The following ELP4 variants were observed in gnomAD, a reference collection of about 807,000 sequenced individuals.
ELP4 encodes the protein elongator complex protein 4.
ELP4 carries 51 observed loss-of-function variants against 48.9 expected under a neutral mutation model. That is an observed-to-expected ratio of 1.04 (90% CI 0.83 to 1.32). ELP4 has a LOEUF of 1.32. Among genes scored for constraint, ELP4 ranks in the 40% most tolerant of loss-of-function variants. The pLI, the probability that ELP4 is intolerant of heterozygous loss-of-function variation, is 0.00. For missense variants in ELP4, 519 were observed against 514.6 expected (o/e 1.01, Z -0.08); for synonymous variants, 210 against 189.2 (o/e 1.11, Z -0.90).
chr11:31,740,595 G>A (rs758870023), intron 9 of ELP4, among the ~76,000 whole-genome samples: 12 of 152,184 alleles, frequency 7.9e-5, no homozygotes, highest in East Asian at 1.9e-4. Flanking sequence ...TAATATTATC[G>A]AAATGTTAGT....
At chr11:31,604,715 A>T (rs1265503280) in intron 5 of ELP4, among the ~76,000 whole-genome samples, 1 of 151,960 alleles carries the variant, frequency 6.6e-6, no homozygotes, top group East Asian at 1.9e-4. Context: ...TAAAATTTAT[A>T]GTCTCTGTTC....
intron 3 of ELP4, among the ~76,000 whole-genome samples, chr11:31,557,930 C>T (rs530985152): frequency 1.3e-5 from 2 of 152,124 alleles, no homozygotes; most frequent in Non-Finnish European, 2.9e-5. Context: ...TTCCTTAAAA[C>T]TATTTTAGCA....
chr11:31,657,773 A>T (rs1945468666), intron 9 of ELP4, among the ~76,000 whole-genome samples: 1 of 151,998 alleles, frequency 6.6e-6, no homozygotes, highest in South Asian at 2.1e-4. Flanking sequence ...TACAGCCAGG[A>T]TTAAATTCAG....
chr11:31,603,638 T>C (rs1473070332), intron 4 of ELP4, 130 bp from the exon 5 acceptor site: 2 of 773,586 alleles, frequency 2.6e-6, no homozygotes, highest in South Asian at 2.4e-5. Context: ...ATTTACTTAG[T>C]GTATGTATAT....
intron 5 of ELP4, among the ~76,000 whole-genome samples, chr11:31,608,429 G>C (rs1452474399): frequency 6.6e-6 from 1 of 152,086 alleles, no homozygotes; most frequent in African/African-American, 2.4e-5. Context: ...ATGATGGGTT[G>C]TAAGCCTTTT....
intron 9 of ELP4, among the ~76,000 whole-genome samples, chr11:31,732,668 A>T (rs1947217966): frequency 6.6e-6 from 1 of 152,194 alleles, no homozygotes. Context: ...TCTACAAGAG[A>T]TTCACTTAGA....
intron 9 of ELP4, among the ~76,000 whole-genome samples, chr11:31,686,959 T>G (rs1221936858): frequency 6.6e-6 from 1 of 151,862 alleles, no homozygotes; most frequent in African/African-American, 2.4e-5. Flanking sequence ...AGAGTTGAGT[T>G]AGGAAACTGT....
intron 2 of ELP4, among the ~76,000 whole-genome samples, chr11:31,520,839 G>C (rs1428750017): frequency 6.6e-6 from 1 of 151,844 alleles, no homozygotes; most frequent in Non-Finnish European, 1.5e-5. Flanking sequence ...TATATGTTAG[G>C]GTTTTCACAC....
chr11:31,744,259 C>G (rs1213176132), intron 9 of ELP4, among the ~76,000 whole-genome samples: 1 of 151,974 alleles, frequency 6.6e-6, no homozygotes. Context: ...AATAGCTTAC[C>G]AACCAAAAAA....
chr11:31,587,836 A>G (rs148465408), intron 3 of ELP4, among the ~76,000 whole-genome samples: 2,061 of 152,240 alleles, frequency 0.014, 44 homozygotes, highest in African/African-American at 0.045. Flanking sequence ...AAAACTAAAT[A>G]TATTTATACC....
intron 7 of ELP4, among the ~76,000 whole-genome samples, chr11:31,642,019 T>C (rs1416582852): frequency 6.6e-6 from 1 of 151,972 alleles, no homozygotes; most frequent in East Asian, 1.9e-4. Context: ...AAAACATTTT[T>C]AATCATGAAA....
At chr11:31,519,987 G>A (rs1403726465) in intron 1 of ELP4, 69 bp from the exon 2 acceptor site, 7 of 1,496,376 alleles carry the variant, frequency 4.7e-6, no homozygotes, top group South Asian at 2.4e-5. Context: ...CCTTCATAAA[G>A]CCTAACTTTT....
In ELP4 at chr11:31,783,640, G is replaced by A; in HGVS notation, c.*116G>A. The A allele has an allele frequency of 2.1e-6, 2 of 970,212 alleles. No homozygotes were observed. Among genetic ancestry groups the A allele is most frequent in the Non-Finnish European group, 2.9e-6 (2 of 693,430 alleles). 60.1% of individuals were successfully genotyped at this position (970,212 alleles called of 1,614,324 possible). ...ACCCTCCACTCCTTGAAAAACACAG[G>A]ATTATAAAATGGTGCCGCCATTTCT... On this transcript the variant is annotated 3_prime_UTR_variant, in exon 10 of 10. Transcript: ENST00000640961.
chr11:31,615,436 G>T (rs1257877401), intron 5 of ELP4, among the ~76,000 whole-genome samples: 2 of 151,790 alleles, frequency 1.3e-5, no homozygotes, highest in African/African-American at 2.4e-5. Context: ...ATAGTAAAGG[G>T]TTAATGAATT....
In ELP4 at chr11:31,706,642, T is replaced by G. The variant is rs1302092149; in HGVS notation, c.1143+56421T>G. Among the ~76,000 whole-genome samples, 3 of 149,286 alleles carry G rather than the reference T, an allele frequency of 2.0e-5. No individual in the cohort carries two copies. In the East Asian group the frequency reaches 5.8e-4, roughly 29 times the overall value. On this transcript the variant is annotated intron_variant, in intron 9 of 9. Coordinates refer to ENST00000640961, the MANE Select transcript of ELP4 (RefSeq NM_019040.5). Reference sequence around the variant, plus strand: ...TATATTTAATTCATATATTTTAACTTTTATCTAATATTTTCAAAAAAAGAA... The same window carrying G: ...TATATTTAATTCATATATTTTAACTGTTATCTAATATTTTCAAAAAAAGAA...
intron 9 of ELP4, among the ~76,000 whole-genome samples, chr11:31,656,067 A>G (rs1459610994): frequency 6.6e-6 from 1 of 152,028 alleles, no homozygotes; most frequent in Non-Finnish European, 1.5e-5. Flanking sequence ...TGAGTCATTT[A>G]TGTTCACTGA....
chr11:31,738,798 T>C (rs1947381564), intron 9 of ELP4, among the ~76,000 whole-genome samples: 1 of 152,080 alleles, frequency 6.6e-6, no homozygotes, highest in Non-Finnish European at 1.5e-5. Flanking sequence ...GAGGACATTA[T>C]GCTAAATAAA....
At chr11:31,514,776 C>T (rs1017864274) in intron 1 of ELP4, among the ~76,000 whole-genome samples, 2 of 151,970 alleles carry the variant, frequency 1.3e-5, no homozygotes, top group Non-Finnish European at 2.9e-5. Flanking sequence ...TGTCAGGATA[C>T]TCTGTTGTGA....
chr11:31,580,254 C>G (rs1423020341), intron 3 of ELP4, among the ~76,000 whole-genome samples: 1 of 152,154 alleles, frequency 6.6e-6, no homozygotes, highest in Non-Finnish European at 1.5e-5. Context: ...CATACTACTT[C>G]ATGGAAAAAG....
Sources: gnomAD v4.1 joint callset for allele counts (sites outside exome capture counted in the v4.1 genomes callset) on GRCh38, gnomAD v4.1.1 for gene constraint, MANE v1.5 for transcripts, NCBI Gene and HGNC (gene_info 2026-07-23, HGNC 2026-07-21) for gene names.